Variants in CNTNAP2 observed in about 807,000 individuals in gnomAD.
The protein encoded by CNTNAP2 is contactin associated protein 2, also known as contactin-associated protein-like 2.
A neutral mutation model predicts 155.2 loss-of-function variants in CNTNAP2; 98 were observed. The ratio of observed to expected loss-of-function variants is 0.63; its 90% confidence interval spans 0.54 to 0.75. The LOEUF is 0.75. Ranked by LOEUF, CNTNAP2 falls within the 30% of genes least tolerant of loss-of-function variation. The pLI is 0.00. For synonymous variants in CNTNAP2, 651 were observed against 631.2 expected (o/e 1.03, Z -0.47); for missense variants, 1,727 against 1,688.1 (o/e 1.02, Z -0.40).
chr7:148,006,706 A>C (rs1801989146), intron 15 of CNTNAP2, among the ~76,000 whole-genome samples: 1 of 151,390 alleles, frequency 6.6e-6, no homozygotes, highest in African/African-American at 2.4e-5. Flanking sequence ...CATGATAATA[A>C]TTTTCTTTTT....
intron 3 of CNTNAP2, among the ~76,000 whole-genome samples, chr7:146,950,899 C>T (rs560249506): frequency 3.0e-4 from 45 of 152,256 alleles, no homozygotes; most frequent in Non-Finnish European, 5.3e-4. Flanking sequence ...AACTAATTTA[C>T]GCTCCCACCA....
Position 147,802,645 on chromosome 7 carries a change from G to A in CNTNAP2, c.2099-100920G>A, listed in dbSNP as rs574225702. 2.4e-4 allele frequency among the ~76,000 whole-genome samples: 36 copies of A among 152,136 alleles called. No homozygotes were observed. The East Asian group carries it at 2.9e-3, about 12-fold the overall frequency. On this transcript the variant is annotated intron_variant, in intron 13 of 23. Transcript: ENST00000361727. ...ACGAAAACCAGTCAGGCGTGGCGGC[G>A]CGCACCTGCAATCGCAGGCACTCGG...
At chr7:147,576,228 G>T (rs543277237) in intron 12 of CNTNAP2, among the ~76,000 whole-genome samples, 17 of 152,162 alleles carry the variant, frequency 1.1e-4, no homozygotes, top group African/African-American at 4.1e-4. Flanking sequence ...CACTACTACT[G>T]CTGTGAATAG....
At chr7:147,560,082 C>T (rs1345563980) in intron 11 of CNTNAP2, among the ~76,000 whole-genome samples, 2 of 146,274 alleles carry the variant, frequency 1.4e-5, no homozygotes, top group South Asian at 2.2e-4. Flanking sequence ...GCAGGAGAAT[C>T]GCTTGAATCT....
intron 15 of CNTNAP2, among the ~76,000 whole-genome samples, chr7:148,103,901 C>A (rs775259937): frequency 6.6e-6 from 1 of 152,098 alleles, no homozygotes; most frequent in Non-Finnish European, 1.5e-5. Context: ...ATTATCTCAC[C>A]CCTGCCTACA....
At chr7:148,287,447 G>A (rs1404776338) in intron 21 of CNTNAP2, among the ~76,000 whole-genome samples, 3 of 152,192 alleles carry the variant, frequency 2.0e-5, no homozygotes, top group Non-Finnish European at 2.9e-5. Context: ...TGGCCAGCAA[G>A]ATGCCACCGA....
At chr7:146,187,262 A>G (rs1320035435) in intron 1 of CNTNAP2, among the ~76,000 whole-genome samples, 1 of 152,176 alleles carries the variant, frequency 6.6e-6, no homozygotes, top group African/African-American at 2.4e-5. Context: ...CCCTTGCTTC[A>G]GACATCTTCT....
intron 11 of CNTNAP2, among the ~76,000 whole-genome samples, chr7:147,525,447 C>T (rs565750138): frequency 6.6e-6 from 1 of 152,196 alleles, no homozygotes; most frequent in East Asian, 1.9e-4. Flanking sequence ...ACTCCAAGCC[C>T]TTAAATCATA....
At chr7:147,554,718 A>G (rs1039874332) in intron 11 of CNTNAP2, among the ~76,000 whole-genome samples, 9 of 152,172 alleles carry the variant, frequency 5.9e-5, no homozygotes, top group Non-Finnish European at 8.8e-5. Flanking sequence ...ATGACACAAT[A>G]TTAGCATACA....
At chr7:146,350,427 A>C (rs1276630947) in intron 1 of CNTNAP2, among the ~76,000 whole-genome samples, 2 of 152,182 alleles carry the variant, frequency 1.3e-5, no homozygotes, top group Non-Finnish European at 2.9e-5. Flanking sequence ...CACATGAAAA[A>C]ATGCTCATCA....
intron 3 of CNTNAP2, among the ~76,000 whole-genome samples, chr7:147,002,620 A>G (rs1293615408): frequency 2.0e-5 from 3 of 151,998 alleles, no homozygotes; most frequent in Non-Finnish European, 4.4e-5. Context: ...ACCATAAACT[A>G]TCAATAACAG....
intron 13 of CNTNAP2, among the ~76,000 whole-genome samples, chr7:147,782,038 A>C (rs1013581933): frequency 1.3e-5 from 2 of 151,570 alleles, no homozygotes; most frequent in Non-Finnish European, 2.9e-5. Context: ...AAAAAAAAAA[A>C]ATCCTCCATC....
At chr7:146,761,173 A>G (rs1292486252) in intron 1 of CNTNAP2, among the ~76,000 whole-genome samples, 1 of 152,180 alleles carries the variant, frequency 6.6e-6, no homozygotes, top group African/African-American at 2.4e-5. Flanking sequence ...TACAGAAGCA[A>G]ACAACACAAC....
At chr7:146,151,410 A>C (rs1336901759) in intron 1 of CNTNAP2, among the ~76,000 whole-genome samples, 2 of 151,520 alleles carry the variant, frequency 1.3e-5, no homozygotes, top group Non-Finnish European at 1.5e-5. Context: ...CCCACCCAAT[A>C]CATAGTAACC....
chr7:147,048,420 T>C (rs80084362), intron 4 of CNTNAP2, among the ~76,000 whole-genome samples: 10,262 of 152,268 alleles, frequency 0.067, 434 homozygotes, highest in Middle Eastern at 0.13. Flanking sequence ...CACTCAGTGA[T>C]GCTGCTTTGG....
At chr7:146,437,027 G>T (rs569918571) in intron 1 of CNTNAP2, among the ~76,000 whole-genome samples, 15 of 151,486 alleles carry the variant, frequency 9.9e-5, no homozygotes, top group Non-Finnish European at 1.6e-4. Flanking sequence ...GTTAGGAACC[G>T]GGCCGCACGG....
At chr7:147,330,111 G>C (rs1372935016) in intron 9 of CNTNAP2, among the ~76,000 whole-genome samples, 1 of 152,096 alleles carries the variant, frequency 6.6e-6, no homozygotes, top group Admixed American at 6.5e-5. Flanking sequence ...TCACCAGAAA[G>C]ACCAAATGAT....
rs920183612 is a variant in CNTNAP2 at position 146,240,235 on chromosome 7, G to A, written c.97+123262G>A. 3.9e-5 allele frequency among the ~76,000 whole-genome samples: 6 copies of A among 152,156 alleles called. No individual in the cohort carries two copies. In the East Asian group the frequency reaches 5.8e-4, roughly 15 times the overall value. On this transcript the variant is annotated intron_variant, in intron 1 of 23. Transcript: ENST00000361727. ...TAGGTTAACTGGATAACAGTGCATC[G>A]ACCTCTATTTTACTTATAGTAGAAT...
chr7:147,076,910 T>C (rs1800010956), intron 4 of CNTNAP2, among the ~76,000 whole-genome samples: 1 of 152,184 alleles, frequency 6.6e-6, no homozygotes, highest in African/African-American at 2.4e-5. Context: ...TACTTCTCTT[T>C]TAATGGACGT....
Sources: allele counts gnomAD v4.1 joint callset (sites outside exome capture counted in the v4.1 genomes callset), GRCh38; gene constraint gnomAD v4.1.1; transcripts MANE v1.5; gene names NCBI Gene and HGNC (gene_info 2026-07-23, HGNC 2026-07-21).